Variants in CABCOCO1 observed in about 807,000 individuals in gnomAD.
CABCOCO1 encodes the protein ciliary-associated calcium-binding coiled-coil protein 1.
A neutral mutation model predicts 35.7 loss-of-function variants in CABCOCO1; 28 were observed. The observed-to-expected ratio is 0.78, with a 90% CI of 0.58 to 1.07. CABCOCO1 has a LOEUF of 1.07. Among genes scored for constraint, CABCOCO1 ranks in the 50% least tolerant of loss-of-function variants. The probability of loss-of-function intolerance (pLI) is 0.00; values close to 1 mark genes in which losing one functional copy is unlikely to be tolerated. For missense variants in CABCOCO1, 326 were observed against 309.2 expected (o/e 1.05, Z -0.41); for synonymous variants, 95 against 100.1 (o/e 0.95, Z 0.30).
intron 5 of CABCOCO1, among the ~76,000 whole-genome samples, chr10:61,692,074 C>A (rs992623718): frequency 1.3e-5 from 2 of 152,164 alleles, no homozygotes; most frequent in Admixed American, 6.5e-5. Context: ...ACTATACTGT[C>A]TTCCACAATG....
At chr10:61,740,590 C>A (rs1841528109) in intron 5 of CABCOCO1, among the ~76,000 whole-genome samples, 1 of 151,994 alleles carries the variant, frequency 6.6e-6, no homozygotes, top group South Asian at 2.1e-4. Context: ...TTGAATATAC[C>A]ATTTTAACTG....
chr10:61,674,599 T>G (rs2131959803), intron 2 of CABCOCO1, among the ~76,000 whole-genome samples: 1 of 152,294 alleles, frequency 6.6e-6, no homozygotes, highest in South Asian at 2.1e-4. Flanking sequence ...AAATATAGTT[T>G]AAGTATCCTA....
intron 5 of CABCOCO1, among the ~76,000 whole-genome samples, chr10:61,713,135 T>C (rs559036498): frequency 6.6e-6 from 1 of 152,358 alleles, no homozygotes; most frequent in African/African-American, 2.4e-5. Context: ...CTCTTATCCA[T>C]GGGCATGGAA....
chr10:61,738,872 C>T (rs1841483794), intron 5 of CABCOCO1, among the ~76,000 whole-genome samples: 1 of 152,198 alleles, frequency 6.6e-6, no homozygotes, highest in Admixed American at 6.5e-5. Context: ...GAGACTATTA[C>T]ATGGAGGCTG....
intron 2 of CABCOCO1, 22 bp downstream of exon 2, chr10:61,672,757 T>C: frequency 1.0e-6 from 1 of 983,308 alleles, no homozygotes; most frequent in Non-Finnish European, 1.2e-6. Context: ...ACTATTACAA[T>C]CACATGTAGA....
At chr10:61,695,728 A>G (rs570849241) in intron 5 of CABCOCO1, among the ~76,000 whole-genome samples, 4 of 152,198 alleles carry the variant, frequency 2.6e-5, no homozygotes, top group African/African-American at 9.6e-5. Flanking sequence ...GTAATTTCAA[A>G]TTGTCCTAAG....
intron 5 of CABCOCO1, among the ~76,000 whole-genome samples, chr10:61,694,534 A>T (rs1223148746): frequency 5.9e-5 from 9 of 151,974 alleles, no homozygotes; most frequent in African/African-American, 2.2e-4. Flanking sequence ...TTATTAACAG[A>T]TTCATTTCCC....
intron 5 of CABCOCO1, among the ~76,000 whole-genome samples, chr10:61,720,476 A>G (rs1840977461): frequency 6.6e-6 from 1 of 152,204 alleles, no homozygotes; most frequent in South Asian, 2.1e-4. Flanking sequence ...TATCTCCCAC[A>G]TATCCAGGTA....
chr10:61,720,203 A>T (rs559121987), intron 5 of CABCOCO1, among the ~76,000 whole-genome samples: 2 of 152,284 alleles, frequency 1.3e-5, no homozygotes, highest in African/African-American at 4.8e-5. Context: ...GTGGTCTTAC[A>T]AAGTTATTGA....
intron 5 of CABCOCO1, among the ~76,000 whole-genome samples, chr10:61,711,738 CAA>C (rs981337487): frequency 6.6e-6 from 1 of 151,878 alleles, no homozygotes; most frequent in African/African-American, 2.4e-5. Flanking sequence ...AAATTAATTT[CAA>C]AAGATTCAAA....
intron 3 of CABCOCO1, among the ~76,000 whole-genome samples, chr10:61,681,646 G>T (rs1203004949): frequency 6.6e-6 from 1 of 152,042 alleles, no homozygotes; most frequent in Non-Finnish European, 1.5e-5. Flanking sequence ...AAAATTAAAA[G>T]TTTATCAGTA....
At chr10:61,764,960 T>G (rs1230810128) in intron 7 of CABCOCO1, among the ~76,000 whole-genome samples, 1 of 152,176 alleles carries the variant, frequency 6.6e-6, no homozygotes, top group African/African-American at 2.4e-5. Flanking sequence ...AAATTATATC[T>G]GGGCTTAAAA....
At chr10:61,727,851 A>G (rs1321649191) in intron 5 of CABCOCO1, among the ~76,000 whole-genome samples, 4 of 152,210 alleles carry the variant, frequency 2.6e-5, no homozygotes, top group East Asian at 3.8e-4. Context: ...ATGCTAATGT[A>G]TGAATACTTT....
intron 5 of CABCOCO1, among the ~76,000 whole-genome samples, chr10:61,694,932 T>G (rs1403129978): frequency 6.6e-6 from 1 of 152,104 alleles, no homozygotes; most frequent in East Asian, 1.9e-4. Context: ...CCATTTCTGG[T>G]GGATTTAGGT....
At chr10:61,672,401 T>C (rs925959036) in intron 1 of CABCOCO1, among the ~76,000 whole-genome samples, 3 of 152,186 alleles carry the variant, frequency 2.0e-5, no homozygotes, top group Non-Finnish European at 4.4e-5. Context: ...TTGAAAACCA[T>C]CACCCAGTTG....
At chr10:61,711,623 T>A (rs1840734863) in intron 5 of CABCOCO1, among the ~76,000 whole-genome samples, 1 of 152,054 alleles carries the variant, frequency 6.6e-6, no homozygotes, top group African/African-American at 2.4e-5. Context: ...TCAAATAATT[T>A]GACATCATTG....
intron 2 of CABCOCO1, among the ~76,000 whole-genome samples, chr10:61,675,838 T>A (rs1208320308): frequency 6.6e-6 from 1 of 151,534 alleles, no homozygotes; most frequent in Non-Finnish European, 1.5e-5. Flanking sequence ...GAAAATCAAG[T>A]CAGTAATGTG....
chr10:61,665,277 A>C (rs1839130976), intron 1 of CABCOCO1, among the ~76,000 whole-genome samples: 1 of 152,226 alleles, frequency 6.6e-6, no homozygotes, highest in Non-Finnish European at 1.5e-5. Context: ...GTGAACAAGC[A>C]GATATGAGAT....
intron 5 of CABCOCO1, among the ~76,000 whole-genome samples, chr10:61,703,963 G>A (rs988002913): frequency 4.6e-5 from 7 of 152,080 alleles, no homozygotes; most frequent in Non-Finnish European, 8.8e-5. Flanking sequence ...TGTAATCCCA[G>A]CACTTTGGGA....
Sources: allele counts gnomAD v4.1 joint callset (sites outside exome capture counted in the v4.1 genomes callset), GRCh38; gene constraint gnomAD v4.1.1; transcripts MANE v1.5; gene names NCBI Gene and HGNC (gene_info 2026-07-23, HGNC 2026-07-21).